ANKS1B: variants seen among roughly 807,000 people sequenced by gnomAD.
The protein encoded by ANKS1B is ankyrin repeat and sterile alpha motif domain containing 1B, also known as ankyrin repeat and sterile alpha motif domain-containing protein 1B.
A neutral mutation model predicts 148.3 loss-of-function variants in ANKS1B; 36 were observed. The observed-to-expected ratio is 0.24, with a 90% CI of 0.19 to 0.32. The LOEUF is 0.32. Ranked by LOEUF, ANKS1B falls within the 10% of genes least tolerant of loss-of-function variation. ANKS1B has a pLI of 1.00. For missense variants in ANKS1B, 1,157 were observed against 1,542.6 expected (o/e 0.75, Z 4.19); for synonymous variants, 542 against 560.8 (o/e 0.97, Z 0.47).
chr12:99,910,143 T>C (rs2093948482), intron 1 of ANKS1B, among the ~76,000 whole-genome samples: 1 of 151,870 alleles, frequency 6.6e-6, no homozygotes, highest in Admixed American at 6.6e-5. Flanking sequence ...GAGGCTGAGG[T>C]CAGGAGTTCA....
intron 8 of ANKS1B, among the ~76,000 whole-genome samples, chr12:99,708,736 G>T (rs1342658498): frequency 6.6e-6 from 1 of 152,112 alleles, no homozygotes; most frequent in Non-Finnish European, 1.5e-5. Context: ...GGTCCACCCA[G>T]ATAACCCAGA....
chr12:99,647,317 T>C lies in ANKS1B; in HGVS notation c.1272+7750A>G, dbSNP rs115524342. ...CCGTCACAGAAGCTCCATAATTTAT[T>C]TAAGCAATCCCCTATTGTAAGACAC... On this transcript the variant is annotated intron_variant, in intron 9 of 26. Transcript: ENST00000683438. Among the ~76,000 whole-genome samples the C allele has an allele frequency of 4.5e-3, 687 of 152,314 alleles. 8 individuals are homozygous for C. The highest frequency in any genetic ancestry group is 0.016 in the African/African-American group (657 of 41,568).
chr12:99,847,448 G>T (rs867405158), intron 1 of ANKS1B, among the ~76,000 whole-genome samples: 1 of 152,104 alleles, frequency 6.6e-6, no homozygotes, highest in South Asian at 2.1e-4. Context: ...CTAACCTACT[G>T]TCTGATAGTA....
intron 14 of ANKS1B, among the ~76,000 whole-genome samples, chr12:99,179,687 T>A (rs1365589903): frequency 1.3e-5 from 2 of 152,084 alleles, no homozygotes; most frequent in Non-Finnish European, 2.9e-5. Context: ...TGGGAAAAAC[T>A]CTCTATGAAT....
chr12:98,922,491 T>A (rs2099802754), intron 17 of ANKS1B, among the ~76,000 whole-genome samples: 1 of 152,170 alleles, frequency 6.6e-6, no homozygotes, highest in East Asian at 1.9e-4. Flanking sequence ...CTTAAGGTCT[T>A]ATTATTATTT....
chr12:99,265,892 T>C (rs1429251426), intron 12 of ANKS1B, among the ~76,000 whole-genome samples: 1 of 152,174 alleles, frequency 6.6e-6, no homozygotes, highest in Admixed American at 6.6e-5. Flanking sequence ...ATATCTTCAG[T>C]CCAGTTCAGT....
intron 11 of ANKS1B, among the ~76,000 whole-genome samples, chr12:99,405,315 A>T (rs2094505621): frequency 6.9e-6 from 1 of 145,172 alleles, no homozygotes; most frequent in African/African-American, 2.6e-5. Flanking sequence ...GACTGATAAT[A>T]ACAAGTATGA....
At chr12:99,879,744 T>TTTTG (rs747297015) in intron 1 of ANKS1B, among the ~76,000 whole-genome samples, 4 of 152,238 alleles carry the variant, frequency 2.6e-5, no homozygotes, top group East Asian at 1.9e-4. Context: ...TACCTGTTGC[T>TTTTG]TTTGTTTGTT....
At chr12:99,591,404 G>A (rs998332610) in intron 9 of ANKS1B, among the ~76,000 whole-genome samples, 1 of 151,876 alleles carries the variant, frequency 6.6e-6, no homozygotes, top group African/African-American at 2.4e-5. Flanking sequence ...ACGGTTTTCA[G>A]ACTTATAACA....
chr12:99,083,962 T>G (rs74383030), intron 16 of ANKS1B: 10 of 152,302 alleles, frequency 6.6e-5, no homozygotes, highest in Non-Finnish European at 1.3e-4. Context: ...GAAAGATTCA[T>G]GCTCAGATTT....
intron 25 of ANKS1B, among the ~76,000 whole-genome samples, chr12:98,752,708 C>T (rs2098126343): frequency 6.6e-6 from 1 of 152,210 alleles, no homozygotes; most frequent in Non-Finnish European, 1.5e-5. Flanking sequence ...CAGGAGCCCA[C>T]ACCATTCAAA....
At chr12:99,275,264 C>G (rs1034168322) in intron 12 of ANKS1B, among the ~76,000 whole-genome samples, 1 of 151,734 alleles carries the variant, frequency 6.6e-6, no homozygotes, top group African/African-American at 2.4e-5. Flanking sequence ...CTATCGTCAC[C>G]CTGTTGTGCT....
At chr12:99,351,691 G>A (rs1486384391) in intron 12 of ANKS1B, among the ~76,000 whole-genome samples, 3 of 151,988 alleles carry the variant, frequency 2.0e-5, no homozygotes, top group South Asian at 2.1e-4. Context: ...AAGAACAGGT[G>A]CTCAAATTGG....
intron 1 of ANKS1B, among the ~76,000 whole-genome samples, chr12:99,962,514 C>T (rs960565552): frequency 3.3e-5 from 5 of 152,106 alleles, no homozygotes; most frequent in East Asian, 1.9e-4. Flanking sequence ...AATAAACATA[C>T]GTGTGCATGT....
chr12:99,201,089 G>A (rs948450876), intron 14 of ANKS1B, among the ~76,000 whole-genome samples: 3 of 152,162 alleles, frequency 2.0e-5, no homozygotes, highest in Admixed American at 6.6e-5. Context: ...AGGGCAATAA[G>A]GAGGGCTTTG....
chr12:99,758,013 T>C (rs2061729131), intron 8 of ANKS1B, among the ~76,000 whole-genome samples: 1 of 151,908 alleles, frequency 6.6e-6, no homozygotes, highest in Non-Finnish European at 1.5e-5. Context: ...AGTTATGAAA[T>C]AATCTATACA....
At chr12:99,862,251 T>C (rs1171656744) in intron 1 of ANKS1B, among the ~76,000 whole-genome samples, 3 of 152,132 alleles carry the variant, frequency 2.0e-5, no homozygotes, top group Non-Finnish European at 4.4e-5. Context: ...AAACAAAGCA[T>C]TTCAGGATTA....
intron 8 of ANKS1B, among the ~76,000 whole-genome samples, chr12:99,695,454 T>C (rs2053744263): frequency 6.6e-6 from 1 of 152,174 alleles, no homozygotes; most frequent in Non-Finnish European, 1.5e-5. Flanking sequence ...CAAAAACATG[T>C]AGAGAAAAAT....
chr12:99,379,883 G>A (rs1041712382), intron 12 of ANKS1B, among the ~76,000 whole-genome samples: 2 of 152,156 alleles, frequency 1.3e-5, no homozygotes, highest in African/African-American at 4.8e-5. Context: ...TGTTCTGAAA[G>A]TTGTATGAAT....
Sources: gnomAD v4.1 joint callset for allele counts (sites outside exome capture counted in the v4.1 genomes callset) on GRCh38, gnomAD v4.1.1 for gene constraint, MANE v1.5 for transcripts, NCBI Gene and HGNC (gene_info 2026-07-23, HGNC 2026-07-21) for gene names.